Variants in LMO2 observed in about 807,000 individuals in gnomAD.
LMO2 encodes LIM domain only 2, also known as rhombotin-2.
A neutral mutation model predicts 23.2 loss-of-function variants in LMO2; 20 were observed. That is an observed-to-expected ratio of 0.86 (90% CI 0.61 to 1.25). The LOEUF is 1.25. Ranked by LOEUF, LMO2 falls within the 50% of genes most tolerant of loss-of-function variation. LMO2 has a pLI of 0.00. For synonymous variants in LMO2, 123 were observed against 130.2 expected, an observed-to-expected ratio of 0.94 and a Z score of 0.38; for missense variants, 270 against 315.3, an observed-to-expected ratio of 0.86 and a Z score of 1.09.
Position 33,869,794 on chromosome 11 carries a change from C to A in LMO2, c.-78G>T, listed in dbSNP as rs979592305. The A allele has an allele frequency of 8.0e-6, 9 of 1,129,188 alleles. No individual in the cohort carries two copies. In the Admixed American group the frequency reaches 3.5e-4, roughly 44 times the overall value. The allele number at this position is 1,129,188 out of a possible 1,614,324, so 69.9% of individuals were successfully genotyped here. A position where few individuals can be genotyped will look rare whatever the true frequency, so the allele number is the denominator to read the frequency against. The stretch of plus-strand genomic sequence containing the variant: ...CCGCGCCGCCCGCGGGGATGGTGTG[C>A]GCCCGCCCGGCCGCCCGGAGCCCCT... On this transcript the variant is annotated 5_prime_UTR_variant, in exon 3 of 6. Coordinates refer to ENST00000257818, the MANE Select transcript of LMO2 (RefSeq NM_005574.4).
At chr11:33,876,680 C>T (rs1222964711) in intron 2 of LMO2, among the ~76,000 whole-genome samples, 3 of 152,222 alleles carry the variant, frequency 2.0e-5, no homozygotes, top group African/African-American at 7.2e-5. Flanking sequence ...TGAAGCCTGA[C>T]TCTCCACTGC....
At chr11:33,871,032 A>G in intron 2 of LMO2, 1 of 980,120 alleles carries the variant, frequency 1.0e-6, no homozygotes, top group Non-Finnish European at 1.2e-6. Context: ...GCTTGTAAAG[A>G]GGGAACGTAC....
intron 4 of LMO2, among the ~76,000 whole-genome samples, chr11:33,867,656 T>C (rs922362794): frequency 4.6e-5 from 7 of 152,224 alleles, no homozygotes; most frequent in Admixed American, 2.0e-4. Context: ...GATCAGAATC[T>C]GTCTTCGTTG....
Position 33,859,327 on chromosome 11 carries a change from CCTCCCCA to C in LMO2, c.*22_*28del. 6.4e-7 allele frequency: 1 copy of C among 1,553,218 alleles called. No individual in the cohort carries two copies. Among genetic ancestry groups the C allele is most frequent in the Non-Finnish European group, 8.9e-7 (1 of 1,125,998 alleles). On this transcript the variant is annotated 3_prime_UTR_variant, in exon 6 of 6. Transcript: ENST00000257818. ...ATGGAGACGGCGTCTTCAGTGAACA[CCTCCCCA>C]AAGATGCCCGGGGACTCGGGCCTAT...
In LMO2 at chr11:33,869,278, C is replaced by T. The variant is rs904741097; in HGVS notation, c.248+68G>A. ...GAGCCCCCTCGCGGGCCGCCCGGGT[C>T]CCCCCGACGCTCCGGGACGCGAGGC... On this transcript the variant is annotated intron_variant, in intron 4 of 5. Transcript: ENST00000257818. The T allele has an allele frequency of 4.6e-6, 5 of 1,096,904 alleles. No individual in the cohort carries two copies. The African/African-American group carries it at 6.7e-5, about 15-fold the overall frequency. 67.9% of individuals were successfully genotyped at this position (1,096,904 alleles called of 1,614,324 possible). A position where few individuals can be genotyped will look rare whatever the true frequency, so the allele number is the denominator to read the frequency against.
At chr11:33,890,690 TAA>T (rs1413488632) in intron 1 of LMO2, among the ~76,000 whole-genome samples, 1 of 152,174 alleles carries the variant, frequency 6.6e-6, no homozygotes, top group East Asian at 1.9e-4. Flanking sequence ...GTAATTATAA[TAA>T]GTGATATTAT....
chr11:33,879,151 G>C (rs1412136275), intron 2 of LMO2, among the ~76,000 whole-genome samples: 1 of 152,166 alleles, frequency 6.6e-6, no homozygotes, highest in Non-Finnish European at 1.5e-5. Flanking sequence ...GATTTAGCAA[G>C]ATTTCTTGGA....
chr11:33,870,788 T>G (rs1856999058), intron 2 of LMO2, among the ~76,000 whole-genome samples: 2 of 152,222 alleles, frequency 1.3e-5, no homozygotes, highest in East Asian at 1.9e-4. Context: ...TCAGAGAGAT[T>G]ATTTTGCCCT....
chr11:33,860,464 C>A (rs2133683678), intron 5 of LMO2, among the ~76,000 whole-genome samples: 1 of 152,246 alleles, frequency 6.6e-6, no homozygotes, highest in South Asian at 2.1e-4. Context: ...GGGAACCTGA[C>A]AGAAATACAA....
At chr11:33,863,488 C>T (rs989335694) in intron 5 of LMO2, among the ~76,000 whole-genome samples, 1 of 152,154 alleles carries the variant, frequency 6.6e-6, no homozygotes, top group Admixed American at 6.5e-5. Context: ...CAGCCAAGGG[C>T]GCTGAGGTCT....
In LMO2 at chr11:33,869,620, G is replaced by A. The variant is rs537266469; in HGVS notation, c.8-34C>T. On this transcript the variant is annotated intron_variant, in intron 3 of 5. Transcript: ENST00000257818. ...GCCAAAGAGAGAGAGCGAATCACCGGGCTGCGGGCGCGCCGCGGCCGAGGC... is the reference window on the plus strand; with the variant it reads ...GCCAAAGAGAGAGAGCGAATCACCGAGCTGCGGGCGCGCCGCGGCCGAGGC... 6.3e-6 allele frequency: 8 copies of A among 1,263,708 alleles called. No individual in the cohort carries two copies. The African/African-American group carries it at 8.0e-5, about 13-fold the overall frequency. The allele number at this position is 1,263,708 out of a possible 1,614,324, so 78.3% of individuals were successfully genotyped here.
At chr11:33,860,177 C>T (rs1312917424) in intron 5 of LMO2, among the ~76,000 whole-genome samples, 3 of 152,170 alleles carry the variant, frequency 2.0e-5, no homozygotes, top group Non-Finnish European at 2.9e-5. Context: ...ACAGAAAACA[C>T]GCGGTGCAGC....
chr11:33,888,211 T>C (rs968093504), intron 1 of LMO2, among the ~76,000 whole-genome samples: 1 of 152,192 alleles, frequency 6.6e-6, no homozygotes, highest in East Asian at 1.9e-4. Context: ...GTATATGATC[T>C]CGCTCATCCC....
At chr11:33,867,214 A>T (rs1730892162) in intron 4 of LMO2, among the ~76,000 whole-genome samples, 2 of 152,172 alleles carry the variant, frequency 1.3e-5, no homozygotes, top group Non-Finnish European at 2.9e-5. Flanking sequence ...TTCTGTCCAA[A>T]TGTTTCATTT....
At chr11:33,868,064 G>T (rs1590636704) in intron 4 of LMO2, among the ~76,000 whole-genome samples, 1 of 152,158 alleles carries the variant, frequency 6.6e-6, no homozygotes, top group Non-Finnish European at 1.5e-5. Flanking sequence ...GGAAGTGGGG[G>T]TTTTTGTTAT....
At chr11:33,860,483 G>A (rs1308444601) in intron 5 of LMO2, among the ~76,000 whole-genome samples, 1 of 152,118 alleles carries the variant, frequency 6.6e-6, no homozygotes, top group East Asian at 1.9e-4. Flanking sequence ...AAATTCTCAG[G>A]CTGGGCGCAG....
At position 33,869,535 on chromosome 11, in the gene LMO2, C is replaced by A. The variant is rs750749054; in HGVS notation, c.59G>T (p.Arg20Leu). Residue 20 changes from arginine to leucine, a missense_variant, in exon 4 of 6, where the codon CGC (arginine) becomes CTC (leucine). By Grantham distance (102) the Arg-to-Leu change is moderately radical (BLOSUM62 -2). Transcript: ENST00000257818. ...GCTCCTGCGCCTCCGCTTGCTCCGG[C>A]GCTCCGCCGGCGAGCTCGCCCCTCC... ...ERGGASSPAE[R>L]RSKRRRRSGG... 2 of 1,262,990 alleles carry A rather than the reference C, an allele frequency of 1.6e-6. No homozygotes were observed. Among genetic ancestry groups the A allele is most frequent in the Non-Finnish European group, 1.0e-6 (1 of 993,510 alleles). 78.2% of individuals were successfully genotyped at this position (1,262,990 alleles called of 1,614,324 possible). A position where few individuals can be genotyped will look rare whatever the true frequency, so the allele number is the denominator to read the frequency against.
chr11:33,875,833 C>T (rs1049573928), intron 2 of LMO2, among the ~76,000 whole-genome samples: 2 of 152,224 alleles, frequency 1.3e-5, no homozygotes, highest in Non-Finnish European at 2.9e-5. Flanking sequence ...TGTCTCCTCT[C>T]TGTAGCTATG....
chr11:33,861,948 T>A (rs772775209), intron 5 of LMO2, among the ~76,000 whole-genome samples: 6 of 152,184 alleles, frequency 3.9e-5, no homozygotes, highest in Non-Finnish European at 5.9e-5. Flanking sequence ...CTGTAGCCCC[T>A]TCCAGCTCTG....
Sources: gnomAD v4.1 joint callset for allele counts (sites outside exome capture counted in the v4.1 genomes callset) on GRCh38, gnomAD v4.1.1 for gene constraint, MANE v1.5 for transcripts, NCBI Gene and HGNC (gene_info 2026-07-23, HGNC 2026-07-21) for gene names.